The following NBAS variants were observed in gnomAD, a reference collection of about 807,000 sequenced individuals.
The protein encoded by NBAS is NBAS subunit of NRZ tethering complex, also known as NAG/BC035112 fusion.
In NBAS, 219 loss-of-function variants were observed where a neutral mutation model predicts 302.5. That is an observed-to-expected ratio of 0.72 (90% CI 0.65 to 0.81). The LOEUF (loss-of-function observed/expected upper bound fraction) is 0.81. NBAS is among the 30% of genes least tolerant of loss of function. The pLI is 0.00. For missense variants in NBAS, 2,932 were observed against 2,841.6 expected, an observed-to-expected ratio of 1.03 and a Z score of -0.72; for synonymous variants, 1,118 against 1,021.6, an observed-to-expected ratio of 1.09 and a Z score of -1.80.
chr2:15,048,040 C>T, the NBAS span, among the ~76,000 whole-genome samples: 125,285 of 152,192 alleles, frequency 0.82, 51,913 homozygotes, highest in East Asian at 0.99. Flanking sequence ...GTGGAGAACT[C>T]CTGCTGGGCC....
the NBAS span, among the ~76,000 whole-genome samples, chr2:14,970,564 A>G: frequency 6.6e-6 from 1 of 152,340 alleles, no homozygotes; most frequent in Non-Finnish European, 1.5e-5. Context: ...ACACAGGAGT[A>G]GGCAGACCTC....
At chr2:15,451,766 C>T (rs1679025213) in intron 21 of NBAS, among the ~76,000 whole-genome samples, 1 of 151,940 alleles carries the variant, frequency 6.6e-6, no homozygotes, top group South Asian at 2.1e-4. Flanking sequence ...CTAGAAGTTC[C>T]CTTCAGGTTG....
the NBAS span, among the ~76,000 whole-genome samples, chr2:14,989,431 G>A: frequency 1.3e-5 from 2 of 151,956 alleles, no homozygotes; most frequent in African/African-American, 4.8e-5. Flanking sequence ...GGTGGCGCAT[G>A]CCTATAGTAC....
At chr2:15,058,377 T>C in the NBAS span, among the ~76,000 whole-genome samples, 1 of 152,284 alleles carries the variant, frequency 6.6e-6, no homozygotes, top group East Asian at 1.9e-4. Context: ...CAGTCCAAAT[T>C]GGTGTCAACA....
chr2:14,901,506 T>A, the NBAS span, among the ~76,000 whole-genome samples: 1 of 151,778 alleles, frequency 6.6e-6, no homozygotes, highest in Non-Finnish European at 1.5e-5. Context: ...TTATAAACAC[T>A]TTAAGGGATA....
At chr2:15,000,045 C>G in the NBAS span, among the ~76,000 whole-genome samples, 2 of 152,168 alleles carry the variant, frequency 1.3e-5, no homozygotes, top group African/African-American at 4.8e-5. Context: ...ATACAACTTG[C>G]TTGCCAAACT....
intron 38 of NBAS, among the ~76,000 whole-genome samples, chr2:15,318,079 G>A (rs751148276): frequency 6.6e-6 from 1 of 152,214 alleles, no homozygotes; most frequent in Non-Finnish European, 1.5e-5. Context: ...CCAGAAGAGA[G>A]TGGGGGCCAA....
At chr2:15,243,286 A>G (rs747415036) in intron 44 of NBAS, among the ~76,000 whole-genome samples, 53 of 152,198 alleles carry the variant, frequency 3.5e-4, no homozygotes, top group Non-Finnish European at 6.0e-4. Context: ...ATACCATTTC[A>G]GAGCCGGGCA....
intron 35 of NBAS, among the ~76,000 whole-genome samples, chr2:15,351,095 T>C (rs1395821919): frequency 6.6e-6 from 1 of 152,172 alleles, no homozygotes; most frequent in African/African-American, 2.4e-5. Flanking sequence ...GGTCAATCAG[T>C]GTTCATATGA....
At chr2:15,290,366 T>C (rs1558507179) in intron 41 of NBAS, among the ~76,000 whole-genome samples, 1 of 152,172 alleles carries the variant, frequency 6.6e-6, no homozygotes, top group Non-Finnish European at 1.5e-5. Flanking sequence ...AGTAACAGAT[T>C]GTACAGAAGA....
At chr2:15,394,370 A>G in intron 27 of NBAS, 21 bp from the exon 28 acceptor site, 2 of 1,611,446 alleles carry the variant, frequency 1.2e-6, no homozygotes, top group Non-Finnish European at 1.7e-6. Context: ...AAAAAGAATT[A>G]TTTAATGTCT....
At chr2:15,154,097 C>A in the NBAS span, among the ~76,000 whole-genome samples, 5 of 152,220 alleles carry the variant, frequency 3.3e-5, no homozygotes, top group Admixed American at 3.3e-4. Context: ...CTCGTTCAGT[C>A]ATAATGATTA....
the NBAS span, among the ~76,000 whole-genome samples, chr2:15,072,555 G>T: frequency 1.3e-5 from 2 of 152,136 alleles, no homozygotes; most frequent in African/African-American, 4.8e-5. Flanking sequence ...TAGAGAGGGA[G>T]CTGCTCCTTA....
intron 12 of NBAS, among the ~76,000 whole-genome samples, chr2:15,485,722 T>C (rs1024870): frequency 0.58 from 88,379 of 151,946 alleles, 27,044 homozygotes; most frequent in Non-Finnish European, 0.68. Context: ...TGTGAAGAGG[T>C]TGAAGCCTCA....
the NBAS span, among the ~76,000 whole-genome samples, chr2:14,805,478 A>C: frequency 3.9e-5 from 6 of 152,266 alleles, no homozygotes; most frequent in South Asian, 1.2e-3. Flanking sequence ...GTAGGAAAGA[A>C]ATAGGTTAGT....
intron 48 of NBAS, among the ~76,000 whole-genome samples, chr2:15,217,424 T>C (rs1666702179): frequency 6.6e-6 from 1 of 152,234 alleles, no homozygotes; most frequent in South Asian, 2.1e-4. Context: ...ATATTCGTGA[T>C]GAGGCCCAAA....
At chr2:14,857,523 C>T in the NBAS span, among the ~76,000 whole-genome samples, 1,228 of 152,234 alleles carry the variant, frequency 8.1e-3, 16 homozygotes, top group African/African-American at 0.029. Flanking sequence ...TAAATCCATA[C>T]ATCTACAGTG....
At chr2:15,042,585 G>A in the NBAS span, among the ~76,000 whole-genome samples, 1 of 152,212 alleles carries the variant, frequency 6.6e-6, no homozygotes, top group Non-Finnish European at 1.5e-5. Flanking sequence ...TCTGAGGGAT[G>A]ACCCAGACTG....
chr2:15,084,252 G>A, the NBAS span, among the ~76,000 whole-genome samples: 1 of 151,778 alleles, frequency 6.6e-6, no homozygotes, highest in African/African-American at 2.4e-5. Context: ...TCTAGAGACA[G>A]GGTTTTTGCC....
Sources: gnomAD v4.1 joint callset for allele counts (sites outside exome capture counted in the v4.1 genomes callset) on GRCh38, gnomAD v4.1.1 for gene constraint, MANE v1.5 for transcripts, NCBI Gene and HGNC (gene_info 2026-07-23, HGNC 2026-07-21) for gene names.